GNAL: variants seen among roughly 807,000 people sequenced by gnomAD.
GNAL encodes G protein subunit alpha L.
In GNAL, 18 loss-of-function variants were observed where a neutral mutation model predicts 55.1. The ratio of observed to expected loss-of-function variants is 0.33; its 90% CI spans 0.23 to 0.48. GNAL has a LOEUF of 0.48. GNAL is among the 20% of genes least tolerant of loss of function. The probability of loss-of-function intolerance (pLI) is 0.99; values close to 1 mark genes in which losing one functional copy is unlikely to be tolerated. For synonymous variants in GNAL, 253 were observed against 237.0 expected (o/e 1.07, Z -0.62); for missense variants, 412 against 614.1 (o/e 0.67, Z 3.48).
chr18:11,865,873 C>T (rs991213362), intron 7 of GNAL, among the ~76,000 whole-genome samples: 1 of 148,780 alleles, frequency 6.7e-6, no homozygotes, highest in African/African-American at 2.6e-5. Flanking sequence ...TGCCCTTTAC[C>T]TTGCCCAGTC....
At chr18:11,702,819 TAA>T (rs5823170) in intron 1 of GNAL, among the ~76,000 whole-genome samples, 7 of 144,106 alleles carry the variant, frequency 4.9e-5, no homozygotes, top group African/African-American at 1.3e-4. Context: ...CCTTCCCACT[TAA>T]AAAAAAAAAA....
At chr18:11,758,078 A>G (rs2033119638) in intron 4 of GNAL, among the ~76,000 whole-genome samples, 1 of 152,172 alleles carries the variant, frequency 6.6e-6, no homozygotes, top group African/African-American at 2.4e-5. Context: ...GGCTGGAATC[A>G]CTTGGTAAAG....
At chr18:11,851,496 A>G (rs2035865224) in intron 5 of GNAL, 2 of 1,536,784 alleles carry the variant, frequency 1.3e-6, no homozygotes, top group East Asian at 4.7e-5. Flanking sequence ...CGCCGACCCA[A>G]AGGAGCCGTC....
intron 4 of GNAL, among the ~76,000 whole-genome samples, chr18:11,759,095 C>T (rs1252010611): frequency 5.9e-5 from 9 of 152,092 alleles, no homozygotes; most frequent in Admixed American, 5.9e-4. Context: ...ATAACTTGAA[C>T]CCAGGAGGCG....
rs544848023 is a variant in GNAL, at chr18:11,714,056, C to T, written c.376+24117C>T. Among the ~76,000 whole-genome samples, 16 of 152,292 alleles carry T rather than the reference C, an allele frequency of 1.1e-4. No homozygotes were observed. The South Asian group carries it at 2.1e-3, about 20-fold the overall frequency. On this transcript the variant is annotated intron_variant, in intron 1 of 11. Transcript: ENST00000334049. ...TCGTGGGATTCTCAAGGGGCATCTCCGATGCCAGCAACTAAACTGCATCAC... is the reference window on the plus strand; with the variant it reads ...TCGTGGGATTCTCAAGGGGCATCTCTGATGCCAGCAACTAAACTGCATCAC...
Position 11,870,910 on chromosome 18 carries a change from G to A in GNAL, c.1032-1358G>A, listed in dbSNP as rs374285131. ...GTTAATAGGAAAGAAACAGGGTCAG[G>A]AAATACCAGGTATACAGAAGGATAC... is the stretch of plus-strand genomic sequence containing the variant. On this transcript the variant is annotated intron_variant, in intron 9 of 11. Coordinates refer to ENST00000334049, the MANE Select transcript of GNAL (RefSeq NM_182978.4). Among the ~76,000 whole-genome samples the A allele has an allele frequency of 2.0e-5, 3 of 152,144 alleles. No homozygotes were observed. In the East Asian group the frequency reaches 5.8e-4, roughly 29 times the overall value.
intron 4 of GNAL, among the ~76,000 whole-genome samples, chr18:11,755,069 G>A (rs1373625461): frequency 6.6e-6 from 1 of 151,686 alleles, no homozygotes; most frequent in African/African-American, 2.4e-5. Flanking sequence ...AATTTGTATT[G>A]CCTGGCATGG....
intron 5 of GNAL, chr18:11,851,274 T>TCC (rs2035854356): frequency 2.1e-6 from 1 of 484,230 alleles, no homozygotes. Flanking sequence ...CCAGCCAGAA[T>TCC]CCCCCTGCAT....
intron 4 of GNAL, among the ~76,000 whole-genome samples, chr18:11,770,384 T>C (rs1413262031): frequency 6.6e-6 from 1 of 152,162 alleles, no homozygotes; most frequent in Non-Finnish European, 1.5e-5. Flanking sequence ...GAATCATCTC[T>C]GAAAAAAGAA....
chr18:11,861,357 G>A (rs1035289839), intron 5 of GNAL, among the ~76,000 whole-genome samples: 4 of 152,008 alleles, frequency 2.6e-5, no homozygotes, highest in Non-Finnish European at 4.4e-5. Flanking sequence ...GTTGGTCCCC[G>A]AGGGACCCAG....
intron 4 of GNAL, among the ~76,000 whole-genome samples, chr18:11,772,704 C>T (rs550860072): frequency 4.6e-5 from 7 of 152,292 alleles, no homozygotes; most frequent in Admixed American, 2.0e-4. Context: ...CCGAGTCTCC[C>T]GATTCCTCAT....
At chr18:11,784,664 G>C (rs1158473735) in intron 4 of GNAL, among the ~76,000 whole-genome samples, 2 of 152,192 alleles carry the variant, frequency 1.3e-5, no homozygotes, top group Non-Finnish European at 2.9e-5. Flanking sequence ...TCTAAGTCAA[G>C]AAGTTGGCTG....
chr18:11,735,774 G>A (rs56069280), intron 1 of GNAL, among the ~76,000 whole-genome samples: 60 of 127,200 alleles, frequency 4.7e-4, no homozygotes, highest in African/African-American at 2.0e-3. Context: ...AAAAGAAAGA[G>A]AGAAAGAAAG....
chr18:11,861,449 C>G (rs1598435495), intron 5 of GNAL, among the ~76,000 whole-genome samples: 1 of 152,334 alleles, frequency 6.6e-6, no homozygotes, highest in East Asian at 1.9e-4. Flanking sequence ...ACCATATTTA[C>G]TGGGGCCAGG....
chr18:11,804,872 G>A (rs1343758889), intron 4 of GNAL, among the ~76,000 whole-genome samples: 45 of 132,166 alleles, frequency 3.4e-4, no homozygotes, highest in South Asian at 7.7e-4. Flanking sequence ...GTGCAGTTTG[G>A]GTGGAACACG....
At chr18:11,764,173 C>T (rs942555380) in intron 4 of GNAL, among the ~76,000 whole-genome samples, 1 of 152,024 alleles carries the variant, frequency 6.6e-6, no homozygotes, top group Non-Finnish European at 1.5e-5. Flanking sequence ...GGCACAAGCT[C>T]GGCTCACTGC....
rs534436208 is a variant in GNAL at position 11,746,140 on chromosome 18, A to G, written c.377-6713A>G. The G allele has an allele frequency of 1.1e-5, 6 of 543,544 alleles. 1 individual carries two copies. The highest frequency in any genetic ancestry group is 4.1e-5 in the South Asian group (3 of 72,358). 33.7% of individuals were successfully genotyped at this position (543,544 alleles called of 1,614,324 possible). On this transcript the variant is annotated intron_variant, in intron 1 of 11. Coordinates refer to ENST00000334049, the MANE Select transcript of GNAL (RefSeq NM_182978.4). ...GTGGAGCCTTTTGTTCTGGGACACT[A>G]TGAAGTTTTGGATTTAAAGGCAAAT... is the stretch of plus-strand genomic sequence containing the variant.
rs1256167775 is a variant in GNAL, at chr18:11,865,909, T to C, written c.852-1259T>C. ...ACCCTCAGCATGTCTGACTCGACTC[T>C]AAGGGACCTCAAGGGTGAGGTCCCT... On this transcript the variant is annotated intron_variant, in intron 7 of 11. Transcript: ENST00000334049. Among the ~76,000 whole-genome samples the C allele has an allele frequency of 1.3e-5, 2 of 149,300 alleles. 1 individual carries two copies. The highest frequency in any genetic ancestry group is 5.2e-5 in the African/African-American group (2 of 38,780).
At chr18:11,694,961 C>G (rs549133747) in intron 1 of GNAL, among the ~76,000 whole-genome samples, 1 of 152,034 alleles carries the variant, frequency 6.6e-6, no homozygotes, top group Admixed American at 6.5e-5. Flanking sequence ...CCTCTTCTTA[C>G]GAGGACACTG....
Sources: allele counts gnomAD v4.1 joint callset (sites outside exome capture counted in the v4.1 genomes callset), GRCh38; gene constraint gnomAD v4.1.1; transcripts MANE v1.5; gene names NCBI Gene and HGNC (gene_info 2026-07-23, HGNC 2026-07-21).